Variants in PSMD12 observed in about 807,000 individuals in gnomAD.
PSMD12 encodes the protein proteasome 26S subunit, non-ATPase 12.
A neutral mutation model predicts 62.9 loss-of-function variants in PSMD12; 8 were observed. That is an observed-to-expected ratio of 0.13 (90% confidence interval 0.07 to 0.23). The LOEUF (loss-of-function observed/expected upper bound fraction) is 0.23. PSMD12 is among the 10% of genes least tolerant of loss of function. The pLI, the probability that PSMD12 is intolerant of heterozygous loss-of-function variation, is 1.00. For synonymous variants in PSMD12, 173 were observed against 187.4 expected (o/e 0.92, Z 0.63); for missense variants, 424 against 550.2 (o/e 0.77, Z 2.29).
intron 3 of PSMD12, 150 bp downstream of exon 3, chr17:67,357,153 A>G (rs997923963): frequency 7.6e-6 from 6 of 794,626 alleles, no homozygotes; most frequent in South Asian, 2.4e-5. Flanking sequence ...CAGTCATATC[A>G]TTGTGAGAAT....
Position 67,350,331 on chromosome 17 carries a change from A to C in PSMD12, c.303T>G (p.Val101=). The C allele has an allele frequency of 6.3e-7, 1 of 1,595,892 alleles. No individual in the cohort carries two copies. Among genetic ancestry groups the C allele is most frequent in the Non-Finnish European group, 8.5e-7 (1 of 1,172,288 alleles). Residue 101 remains valine, a synonymous_variant, in exon 4 of 11, where the codon GTT becomes GTG. Transcript: ENST00000356126. Reference sequence around the variant, plus strand: ...TACAGCACTGTTGAACCATTTTGGCAACAGCCTAAAATATTAAAAACCATT... The same window carrying C: ...TACAGCACTGTTGAACCATTTTGGCCACAGCCTAAAATATTAAAAACCATT... ...SKRRSQLKQA[V]AKMVQQCCTY...
chr17:67,350,745 C>T (rs973213588), intron 3 of PSMD12, among the ~76,000 whole-genome samples: 7 of 152,186 alleles, frequency 4.6e-5, no homozygotes, highest in Non-Finnish European at 8.8e-5. Context: ...CCCAAATTCA[C>T]CTCAATACCA....
At position 67,348,669 on chromosome 17, in the gene PSMD12, T is replaced by C. The variant is rs1265540158; in HGVS notation, c.406-15A>G. 6 of 1,596,640 alleles carry C rather than the reference T, an allele frequency of 3.8e-6. No individual in the cohort carries two copies. Among genetic ancestry groups the C allele is most frequent in the Non-Finnish European group, 5.1e-6 (6 of 1,171,068 alleles). On this transcript the variant is annotated splice_polypyrimidine_tract_variant and intron_variant, in intron 4 of 10. Coordinates refer to ENST00000356126, the MANE Select transcript of PSMD12 (RefSeq NM_002816.5). ...TCAACATAAATCTACAAATGAGAAA[T>C]TTACACAATCAAAATTCCATGGAAA...
intron 3 of PSMD12, among the ~76,000 whole-genome samples, chr17:67,356,411 A>G (rs1229817626): frequency 6.6e-6 from 1 of 150,794 alleles, no homozygotes; most frequent in South Asian, 2.1e-4. Context: ...ACAAAAAATT[A>G]GCCGGGCGTG....
intron 3 of PSMD12, 82 bp downstream of exon 3, chr17:67,357,221 A>T: frequency 6.9e-7 from 1 of 1,456,094 alleles, no homozygotes; most frequent in Non-Finnish European, 9.2e-7. Flanking sequence ...AACACATTTT[A>T]AACAGACTTA....
At chr17:67,356,620 A>T (rs567882389) in intron 3 of PSMD12, among the ~76,000 whole-genome samples, 4 of 150,954 alleles carry the variant, frequency 2.6e-5, no homozygotes, top group South Asian at 4.2e-4. Context: ...CTAAAAAAAA[A>T]TTTTGAAACA....
Position 67,347,320 on chromosome 17 carries a change from T to C in PSMD12, c.660+16A>G. On this transcript the variant is annotated intron_variant, in intron 6 of 10. Transcript: ENST00000356126. ...TCATACTTTTAAAGTAAACATGTGGTCACAGATATGCTCACCTCTGTATTT... is the reference window on the plus strand; with the variant it reads ...TCATACTTTTAAAGTAAACATGTGGCCACAGATATGCTCACCTCTGTATTT... The C allele has an allele frequency of 6.2e-7, 1 of 1,612,682 alleles. No homozygotes were observed. The highest frequency in any genetic ancestry group is 8.5e-7 in the Non-Finnish European group (1 of 1,179,240).
intron 1 of PSMD12, among the ~76,000 whole-genome samples, chr17:67,361,417 A>G (rs1191497461): frequency 1.3e-5 from 2 of 152,142 alleles, no homozygotes; most frequent in Non-Finnish European, 2.9e-5. Flanking sequence ...CCCCATCTCT[A>G]CTAAAAATAC....
At position 67,340,977 on chromosome 17, in the gene PSMD12, T is replaced by C; in HGVS notation, c.1237A>G (p.Ile413Val). The change falls in exon 11 of 11, where the codon ATC becomes GTC. Residue 413 changes from isoleucine to valine, a missense_variant. Transcript: ENST00000356126. ...FAKVDRLAGI[I>V]NFQRPKDPNN... ...GGATCCTTGGGTCTCTGGAAGTTGA[T>C]AATTCCTGCTAATCTGTCTACTTTA... 1 of 1,576,126 alleles carries C rather than the reference T, an allele frequency of 6.3e-7. No homozygotes were observed. The highest frequency in any genetic ancestry group is 8.6e-7 in the Non-Finnish European group (1 of 1,168,066).
intron 8 of PSMD12, 107 bp downstream of exon 8, chr17:67,345,638 A>T: frequency 1.1e-6 from 1 of 879,032 alleles, no homozygotes; most frequent in Non-Finnish European, 1.8e-6. Flanking sequence ...GTAAAACTCC[A>T]TCTCAAAAAA....
intron 8 of PSMD12, 88 bp from the exon 9 acceptor site, chr17:67,344,868 G>T: frequency 9.0e-7 from 1 of 1,114,140 alleles, no homozygotes; most frequent in Non-Finnish European, 1.2e-6. Context: ...ATTCAGCAAA[G>T]ACTGTTTTCG....
chr17:67,354,606 GAGT>G (rs2042049554), intron 3 of PSMD12, among the ~76,000 whole-genome samples: 1 of 152,162 alleles, frequency 6.6e-6, no homozygotes, highest in Non-Finnish European at 1.5e-5. Flanking sequence ...GTCCCATAGA[GAGT>G]AAGTTTCTTA....
At chr17:67,356,276 A>T (rs901384975) in intron 3 of PSMD12, among the ~76,000 whole-genome samples, 1 of 152,090 alleles carries the variant, frequency 6.6e-6, no homozygotes, top group Non-Finnish European at 1.5e-5. Flanking sequence ...GCTGTTTTGC[A>T]AAAAAATCAT....
In PSMD12 at chr17:67,361,677, C is replaced by A. The variant is rs180681415; in HGVS notation, c.109-4099G>T. On this transcript the variant is annotated intron_variant, in intron 1 of 10. Transcript: ENST00000356126. Reference sequence around the variant, plus strand: ...AAAGTGACCTATTCCTTAAAGGGGTCTCTTTTGTTTAAGCTGTTAACAATG... The same window carrying A: ...AAAGTGACCTATTCCTTAAAGGGGTATCTTTTGTTTAAGCTGTTAACAATG... Among the ~76,000 whole-genome samples the A allele has an allele frequency of 5.3e-4, 81 of 152,098 alleles. 2 individuals carry two copies. In the East Asian group the frequency reaches 0.014, roughly 26 times the overall value.
intron 1 of PSMD12, among the ~76,000 whole-genome samples, chr17:67,363,454 A>G (rs188063988): frequency 4.6e-4 from 70 of 152,358 alleles, no homozygotes; most frequent in Admixed American, 2.3e-3. Context: ...CACATTTAAA[A>G]TAAAAAATGC....
chr17:67,346,593 CAA>C (rs1437609830), intron 7 of PSMD12, among the ~76,000 whole-genome samples: 2 of 151,474 alleles, frequency 1.3e-5, no homozygotes, highest in Admixed American at 6.6e-5. Context: ...AATAAACAAA[CAA>C]AAAAAAGTCT....
At chr17:67,366,071 T>C (rs542644882) in intron 1 of PSMD12, among the ~76,000 whole-genome samples, 10 of 152,298 alleles carry the variant, frequency 6.6e-5, no homozygotes, top group African/African-American at 2.2e-4. Flanking sequence ...AACTCTCTGA[T>C]CTAGCCTTAA....
intron 3 of PSMD12, among the ~76,000 whole-genome samples, chr17:67,355,819 TAAA>T (rs760316265): frequency 1.3e-5 from 2 of 152,070 alleles, no homozygotes; most frequent in Non-Finnish European, 2.9e-5. Flanking sequence ...ATAGTCTCTC[TAAA>T]AATGGCCTCA....
chr17:67,352,062 A>G (rs2042023592), intron 3 of PSMD12, among the ~76,000 whole-genome samples: 1 of 151,022 alleles, frequency 6.6e-6, no homozygotes, highest in Non-Finnish European at 1.5e-5. Context: ...GCCTGGCGAC[A>G]AGAGCGAGAA....
Sources: gnomAD v4.1 joint callset for allele counts (sites outside exome capture counted in the v4.1 genomes callset) on GRCh38, gnomAD v4.1.1 for gene constraint, MANE v1.5 for transcripts, NCBI Gene and HGNC (gene_info 2026-07-23, HGNC 2026-07-21) for gene names.